VAV2: variants seen among roughly 807,000 people sequenced by gnomAD.
VAV2 encodes guanine nucleotide exchange factor VAV2.
A neutral mutation model predicts 132.5 loss-of-function variants in VAV2; 67 were observed. The observed-to-expected ratio is 0.51, with a 90% CI of 0.42 to 0.62. The LOEUF (loss-of-function observed/expected upper bound fraction) is 0.62, where lower values mean the gene tolerates loss of function less well. Among genes scored for constraint, VAV2 ranks in the 20% least tolerant of loss-of-function variants. VAV2 has a pLI of 0.00. For missense variants in VAV2, 938 were observed against 1,153.6 expected (o/e 0.81, Z 2.71); for synonymous variants, 492 against 443.5 (o/e 1.11, Z -1.37).
At position 133,861,427 on chromosome 9, in the gene VAV2, G is replaced by C; in HGVS notation, c.327C>G (p.Ile109Met). ...GCAGGGAGAGCCTCGACACCGCGGAGATGACCTGGGGGAGACAAGAAGAGA... is the reference window on the plus strand; with the variant it reads ...GCAGGGAGAGCCTCGACACCGCGGACATGACCTGGGGGAGACAAGAAGAGA... ...LFDVRDFGKV[I>M]SAVSRLSLHS... The change falls in exon 3 of 30, where the codon ATC (isoleucine) becomes ATG (methionine). Residue 109 changes from isoleucine (I) to methionine (M), a missense_variant. Physicochemically the swap from Ile to Met is conservative, Grantham distance 10. Transcript: ENST00000371850. The C allele has an allele frequency of 6.2e-7, 1 of 1,613,380 alleles. No homozygotes were observed.
intron 3 of VAV2, among the ~76,000 whole-genome samples, chr9:133,845,521 G>A (rs1451586836): frequency 2.0e-5 from 3 of 152,208 alleles, no homozygotes; most frequent in African/African-American, 7.2e-5. Flanking sequence ...GGGTGACGCA[G>A]CAGCTGAAGG....
chr9:133,864,785 T>C (rs753233351), intron 2 of VAV2, among the ~76,000 whole-genome samples: 53 of 152,308 alleles, frequency 3.5e-4, no homozygotes, highest in Admixed American at 7.8e-4. Context: ...ACGTCCCAAT[T>C]GTCCACTTGT....
chr9:133,814,075 G>A (rs985651484), intron 4 of VAV2, among the ~76,000 whole-genome samples: 6 of 152,170 alleles, frequency 3.9e-5, no homozygotes, highest in Admixed American at 2.6e-4. Flanking sequence ...AACTGAAGCC[G>A]GGGTAAAGGC....
intron 2 of VAV2, among the ~76,000 whole-genome samples, chr9:133,862,960 C>T (rs1014945087): frequency 5.9e-5 from 9 of 152,140 alleles, no homozygotes; most frequent in Non-Finnish European, 1.3e-4. Context: ...GATTCGGGAC[C>T]GGCGCTCAGG....
intron 2 of VAV2, among the ~76,000 whole-genome samples, chr9:133,872,624 C>T (rs1424449307): frequency 7.2e-5 from 11 of 152,008 alleles, no homozygotes; most frequent in Non-Finnish European, 1.5e-4. Context: ...TCGCTTTGTG[C>T]ACCTTGGGAC....
chr9:133,989,749 T>C (rs1391658909), intron 1 of VAV2, among the ~76,000 whole-genome samples: 1 of 152,180 alleles, frequency 6.6e-6, no homozygotes. Flanking sequence ...AAACGAAGTC[T>C]TTCTCCCAAC....
intron 2 of VAV2, among the ~76,000 whole-genome samples, chr9:133,865,441 C>T (rs558863848): frequency 2.0e-4 from 31 of 152,248 alleles, no homozygotes; most frequent in African/African-American, 7.2e-4. Flanking sequence ...GTGACTTCCT[C>T]GGTTCTGTCT....
intron 2 of VAV2, among the ~76,000 whole-genome samples, chr9:133,915,502 C>T (rs1357898382): frequency 1.3e-5 from 2 of 152,226 alleles, no homozygotes; most frequent in African/African-American, 4.8e-5. Context: ...TACAAAGCAC[C>T]CTGAAAACAG....
intron 2 of VAV2, chr9:133,925,710 G>A (rs983437719): frequency 3.1e-4 from 47 of 152,042 alleles, no homozygotes; most frequent in African/African-American, 1.1e-3. Context: ...CAGCCCTAAG[G>A]GCCTGACCCC....
At chr9:133,880,041 G>A (rs12115818) in intron 2 of VAV2, among the ~76,000 whole-genome samples, 10,582 of 152,292 alleles carry the variant, frequency 0.069, 622 homozygotes, top group African/African-American at 0.16. Flanking sequence ...CACGGATAAG[G>A]ACAAGGCCAT....
At chr9:133,888,251 G>A (rs1411391117) in intron 2 of VAV2, among the ~76,000 whole-genome samples, 6 of 152,238 alleles carry the variant, frequency 3.9e-5, no homozygotes, top group African/African-American at 9.6e-5. Context: ...CCGCCTGGGC[G>A]GATGAAGCAG....
intron 2 of VAV2, among the ~76,000 whole-genome samples, chr9:133,891,828 A>AGG: frequency 1.8e-4 from 1 of 5,506 alleles, no homozygotes. Flanking sequence ...AGGGGGATGG[A>AGG]GGGAGAGGGA....
At chr9:133,766,759 A>AAT (rs373267933) in intron 29 of VAV2, among the ~76,000 whole-genome samples, 33,172 of 111,906 alleles carry the variant, frequency 0.3, 5,590 homozygotes, top group East Asian at 0.59. Flanking sequence ...AGTATAAATA[A>AAT]ATATATATAT....
rs141694061 is a variant in VAV2, at chr9:133,879,098, C to T, written c.322-17666G>A. The stretch of plus-strand genomic sequence containing the variant: ...TGTGACATAGTCTTCCAGAGGGGAC[C>T]GGGCCGGGCTTGTGCTGCTGAACCT... On this transcript the variant is annotated intron_variant, in intron 2 of 29. Coordinates refer to ENST00000371850, the MANE Select transcript of VAV2 (RefSeq NM_001134398.2). This position sits in a 1 kb window ranked among gnomAD's most constrained non-coding sequence, Gnocchi z 4.4. Among the ~76,000 whole-genome samples, 83 of 152,296 alleles carry T rather than the reference C, an allele frequency of 5.4e-4. 1 individual carries two copies. The East Asian group carries it at 0.014, about 26-fold the overall frequency.
Position 133,837,630 on chromosome 9 carries a change from C to T in VAV2, c.381-3290G>A, listed in dbSNP as rs369250201. 6.0e-4 allele frequency among the ~76,000 whole-genome samples: 90 copies of T among 151,044 alleles called. 1 individual carries two copies. In the East Asian group the frequency reaches 0.013, roughly 22 times the overall value. Reference sequence around the variant, plus strand: ...AGGAGAATTGCTTGAACCCGGGAGGCGGAGGTTGCTGTGAGCCAAGATCGT... The same window carrying T: ...AGGAGAATTGCTTGAACCCGGGAGGTGGAGGTTGCTGTGAGCCAAGATCGT... On this transcript the variant is annotated intron_variant, in intron 3 of 29. Transcript: ENST00000371850.
chr9:133,868,422 C>A (rs1238243198), intron 2 of VAV2, among the ~76,000 whole-genome samples: 1 of 152,214 alleles, frequency 6.6e-6, no homozygotes, highest in African/African-American at 2.4e-5. Context: ...TGCTGAGGCT[C>A]CCTGAGGCTC....
At chr9:133,877,278 A>AC (rs1404068482) in intron 2 of VAV2, among the ~76,000 whole-genome samples, 3 of 152,154 alleles carry the variant, frequency 2.0e-5, no homozygotes, top group Non-Finnish European at 4.4e-5. Context: ...CACACTCTGC[A>AC]CAACGATGCC....
chr9:133,890,472 C>T (rs1302754759), intron 2 of VAV2, among the ~76,000 whole-genome samples: 3 of 152,074 alleles, frequency 2.0e-5, no homozygotes, highest in Non-Finnish European at 2.9e-5. Flanking sequence ...GGAAAAGTGC[C>T]GAGGGTCAAG....
chr9:133,899,529 C>T (rs556941148), intron 2 of VAV2, among the ~76,000 whole-genome samples: 1 of 151,830 alleles, frequency 6.6e-6, no homozygotes, highest in African/African-American at 2.4e-5. Context: ...ATGCCTTAGC[C>T]TCCCAAGTAG....
Sources: allele counts gnomAD v4.1 joint callset (sites outside exome capture counted in the v4.1 genomes callset), GRCh38; gene constraint gnomAD v4.1.1; non-coding constraint Gnocchi (gnomAD v3.1); transcripts MANE v1.5; gene names NCBI Gene and HGNC (gene_info 2026-07-23, HGNC 2026-07-21).